HDAC9: variants seen among roughly 807,000 people sequenced by gnomAD.
HDAC9 encodes histone deacetylase 9, also known as MEF-2 interacting transcription repressor (MITR) protein.
Under a neutral mutation model 139.4 loss-of-function variants are expected in HDAC9, and 41 were observed. That is an observed-to-expected ratio of 0.29 (90% CI 0.23 to 0.38). The LOEUF (loss-of-function observed/expected upper bound fraction) is 0.38, where lower values mean the gene tolerates loss of function less well. Among genes scored for constraint, HDAC9 ranks in the 10% least tolerant of loss-of-function variants. The probability of loss-of-function intolerance (pLI) is 1.00; values close to 1 mark genes in which losing one functional copy is unlikely to be tolerated. For missense variants in HDAC9, 1,147 were observed against 1,297.0 expected, an observed-to-expected ratio of 0.88 and a Z score of 1.78; for synonymous variants, 517 against 476.2, an observed-to-expected ratio of 1.09 and a Z score of -1.12.
At chr7:18,584,114 A>C (rs376020591) in intron 2 of HDAC9, among the ~76,000 whole-genome samples, 9 of 150,450 alleles carry the variant, frequency 6.0e-5, no homozygotes, top group African/African-American at 1.2e-4. Context: ...TTTCCTGCTT[A>C]AACTATTCCT....
intron 25 of HDAC9, among the ~76,000 whole-genome samples, chr7:18,979,059 T>C (rs1784733338): frequency 6.6e-6 from 1 of 152,174 alleles, no homozygotes; most frequent in Admixed American, 6.6e-5. Context: ...CCAGAATAGT[T>C]GTCTCTTTAA....
chr7:18,306,942 C>A (rs1026043479), intron 1 of HDAC9, among the ~76,000 whole-genome samples: 6 of 152,126 alleles, frequency 3.9e-5, no homozygotes, highest in African/African-American at 1.4e-4. Context: ...GTCATCTGAG[C>A]CAGCAGGCTG....
chr7:18,929,561 G>T (rs1804544551), intron 22 of HDAC9, among the ~76,000 whole-genome samples: 1 of 152,132 alleles, frequency 6.6e-6, no homozygotes, highest in South Asian at 2.1e-4. Flanking sequence ...GGATTCTTTA[G>T]TAGTAGATGT....
chr7:18,842,151 C>T (rs1796625381), intron 21 of HDAC9, among the ~76,000 whole-genome samples: 2 of 151,910 alleles, frequency 1.3e-5, no homozygotes, highest in Admixed American at 1.3e-4. Context: ...TTGATGCTTC[C>T]CAGTCTTGCA....
At chr7:18,972,737 G>A (rs760275565) in intron 24 of HDAC9, among the ~76,000 whole-genome samples, 1 of 152,072 alleles carries the variant, frequency 6.6e-6, no homozygotes, top group Non-Finnish European at 1.5e-5. Flanking sequence ...TTTTATGATA[G>A]CCTCAATAAT....
At chr7:18,584,535 A>T (rs1828863668) in intron 2 of HDAC9, among the ~76,000 whole-genome samples, 1 of 152,214 alleles carries the variant, frequency 6.6e-6, no homozygotes, top group African/African-American at 2.4e-5. Flanking sequence ...TTATTCTCAG[A>T]TCATCAAATC....
chr7:18,979,467 T>C (rs141652416), intron 25 of HDAC9, among the ~76,000 whole-genome samples: 210 of 152,360 alleles, frequency 1.4e-3, no homozygotes, highest in African/African-American at 4.9e-3. Context: ...CCTCTTATTT[T>C]ATTCTATGAT....
At chr7:18,170,969 C>T (rs1307973637) in intron 2 of HDAC9, among the ~76,000 whole-genome samples, 1 of 152,132 alleles carries the variant, frequency 6.6e-6, no homozygotes, top group African/African-American at 2.4e-5. Context: ...GTAGTTTCTT[C>T]CAATTCTGTG....
chr7:18,352,805 G>A (rs1782952879), intron 1 of HDAC9, among the ~76,000 whole-genome samples: 1 of 151,842 alleles, frequency 6.6e-6, no homozygotes, highest in Non-Finnish European at 1.5e-5. Context: ...TCAGATACTT[G>A]TGAACCTCCA....
chr7:18,914,676 T>C (rs1803033472), intron 22 of HDAC9, among the ~76,000 whole-genome samples: 1 of 141,782 alleles, frequency 7.1e-6, no homozygotes, highest in Non-Finnish European at 1.6e-5. Flanking sequence ...ATTGATGGGA[T>C]AGTCATTTCA....
At chr7:18,787,626 T>G (rs2129175503) in intron 16 of HDAC9, among the ~76,000 whole-genome samples, 1 of 152,302 alleles carries the variant, frequency 6.6e-6, no homozygotes, top group African/African-American at 2.4e-5. Context: ...GTAGGAATAT[T>G]TAGGGATTTC....
chr7:18,786,127 C>T (rs1170871666), intron 16 of HDAC9, among the ~76,000 whole-genome samples: 5 of 152,022 alleles, frequency 3.3e-5, no homozygotes, highest in Admixed American at 6.6e-5. Context: ...ACTGAGTAAA[C>T]GAAATCATGT....
intron 2 of HDAC9, among the ~76,000 whole-genome samples, chr7:18,227,057 T>C: frequency 6.6e-6 from 1 of 152,208 alleles, no homozygotes; most frequent in East Asian, 1.9e-4. Context: ...TTATAAATTT[T>C]GCCCTTGAAG....
At chr7:18,433,126 A>G (rs1250646510) in intron 1 of HDAC9, among the ~76,000 whole-genome samples, 3 of 152,178 alleles carry the variant, frequency 2.0e-5, no homozygotes, top group African/African-American at 7.2e-5. Flanking sequence ...TCACATAAAC[A>G]TAACTAAAAA....
chr7:18,664,289 T>C lies in HDAC9; in HGVS notation c.1468-1924T>C, dbSNP rs146452186. Reference sequence around the variant, plus strand: ...CTGCCCAGTAACAATGGATGTTAGATGGTAGGCACAAAGGAAATTCATATT... The same window carrying C: ...CTGCCCAGTAACAATGGATGTTAGACGGTAGGCACAAAGGAAATTCATATT... On this transcript the variant is annotated intron_variant, in intron 11 of 25. Transcript: ENST00000686413. Among the ~76,000 whole-genome samples the C allele has an allele frequency of 3.6e-3, 548 of 152,266 alleles. 5 individuals carry two copies. Among genetic ancestry groups the C allele is most frequent in the African/African-American group, 0.012 (514 of 41,568 alleles).
At chr7:18,263,341 T>A (rs1341773776) in intron 2 of HDAC9, among the ~76,000 whole-genome samples, 11 of 152,186 alleles carry the variant, frequency 7.2e-5, no homozygotes, top group Non-Finnish European at 1.5e-4. Context: ...ATCTCTTCTG[T>A]AATATTATTT....
chr7:18,364,755 G>A (rs759441365), intron 1 of HDAC9, among the ~76,000 whole-genome samples: 2 of 152,056 alleles, frequency 1.3e-5, no homozygotes, highest in African/African-American at 2.4e-5. Context: ...ACAAACCTTC[G>A]AATTTTCCTG....
At chr7:18,690,959 G>T (rs987977133) in intron 12 of HDAC9, among the ~76,000 whole-genome samples, 1 of 151,936 alleles carries the variant, frequency 6.6e-6, no homozygotes, top group Non-Finnish European at 1.5e-5. Flanking sequence ...CTAAGGGATT[G>T]TAGGGAAAAC....
At chr7:18,514,196 T>A (rs1802468941) in intron 2 of HDAC9, among the ~76,000 whole-genome samples, 1 of 152,238 alleles carries the variant, frequency 6.6e-6, no homozygotes, top group South Asian at 2.1e-4. Context: ...ACAACTGTAA[T>A]TGAACTATTT....
Sources: allele counts gnomAD v4.1 joint callset (sites outside exome capture counted in the v4.1 genomes callset), GRCh38; gene constraint gnomAD v4.1.1; transcripts MANE v1.5; gene names NCBI Gene and HGNC (gene_info 2026-07-23, HGNC 2026-07-21).